ATP10B: variants seen among roughly 807,000 people sequenced by gnomAD.
ATP10B encodes ATPase phospholipid transporting 10B (putative).
Under a neutral mutation model 141.2 loss-of-function variants are expected in ATP10B, and 122 were observed. That is an observed-to-expected ratio of 0.86 (90% CI 0.75 to 1.00). The LOEUF (loss-of-function observed/expected upper bound fraction) is 1.00, where lower values mean the gene tolerates loss of function less well. Among genes scored for constraint, ATP10B ranks in the 50% least tolerant of loss-of-function variants. The pLI, the probability that ATP10B is intolerant of heterozygous loss-of-function variation, is 0.00. For synonymous variants in ATP10B, 685 were observed against 692.0 expected (o/e 0.99, Z 0.16); for missense variants, 1,876 against 1,825.3 (o/e 1.03, Z -0.51).
chr5:160,657,332 G>A (rs1487475997), intron 7 of ATP10B, among the ~76,000 whole-genome samples: 1 of 152,144 alleles, frequency 6.6e-6, no homozygotes, highest in Non-Finnish European at 1.5e-5. Flanking sequence ...ACAGTTACCA[G>A]CATTTGATAA....
chr5:160,877,297 CAATA>C, the ATP10B span, among the ~76,000 whole-genome samples: 2 of 145,094 alleles, frequency 1.4e-5, no homozygotes, highest in Non-Finnish European at 3.0e-5. Context: ...ATGATTATCT[CAATA>C]GATGCAGAAA....
At chr5:160,592,594 G>A (rs943553714) in intron 22 of ATP10B, among the ~76,000 whole-genome samples, 2 of 152,244 alleles carry the variant, frequency 1.3e-5, no homozygotes, top group African/African-American at 4.8e-5. Context: ...CCATGCACGA[G>A]CCAAAGCAGG....
intron 22 of ATP10B, among the ~76,000 whole-genome samples, chr5:160,593,564 C>T (rs1459911298): frequency 2.0e-5 from 3 of 152,230 alleles, no homozygotes; most frequent in Non-Finnish European, 4.4e-5. Flanking sequence ...CAAAGCTGGA[C>T]AGAGAATGAC....
At chr5:160,646,753 C>T (rs1009076166) in intron 8 of ATP10B, among the ~76,000 whole-genome samples, 2 of 152,102 alleles carry the variant, frequency 1.3e-5, no homozygotes, top group Admixed American at 6.5e-5. Context: ...CTACTTCTCT[C>T]GGTTGTAATG....
chr5:160,862,191 G>T, the ATP10B span, among the ~76,000 whole-genome samples: 2 of 152,092 alleles, frequency 1.3e-5, no homozygotes, highest in African/African-American at 2.4e-5. Context: ...TCTAGATGTT[G>T]CCATGAAGGC....
intron 3 of ATP10B, among the ~76,000 whole-genome samples, chr5:160,716,062 A>G (rs1765635750): frequency 6.6e-6 from 1 of 152,134 alleles, no homozygotes; most frequent in African/African-American, 2.4e-5. Flanking sequence ...TAGACCCAGC[A>G]TTTTCACATC....
In ATP10B at chr5:160,566,779, G is replaced by A. The variant is rs543604582; in HGVS notation, c.3939-879C>T. Among the ~76,000 whole-genome samples, 12 of 152,326 alleles carry A rather than the reference G, an allele frequency of 7.9e-5. No homozygotes were observed. In the South Asian group the frequency reaches 1.2e-3, roughly 16 times the overall value. On this transcript the variant is annotated intron_variant, in intron 25 of 25. Coordinates refer to ENST00000327245, the MANE Select transcript of ATP10B (RefSeq NM_025153.3). ...ACTCACATCCACTTTCCAGATGTCT[G>A]TTGCCTTATCTGAAAAGTAAAAAAG...
At chr5:160,630,858 C>T (rs894156451) in intron 13 of ATP10B, among the ~76,000 whole-genome samples, 1 of 152,148 alleles carries the variant, frequency 6.6e-6, no homozygotes, top group Admixed American at 6.5e-5. Flanking sequence ...TTTGTCCTCA[C>T]CCAAAGTTAG....
At chr5:160,755,447 T>C (rs1436245813) in intron 2 of ATP10B, among the ~76,000 whole-genome samples, 1 of 152,122 alleles carries the variant, frequency 6.6e-6, no homozygotes, top group African/African-American at 2.4e-5. Context: ...GTATAGCCTA[T>C]TACACACCTA....
the ATP10B span, among the ~76,000 whole-genome samples, chr5:160,873,012 A>T: frequency 6.6e-6 from 1 of 151,648 alleles, no homozygotes; most frequent in Non-Finnish European, 1.5e-5. Flanking sequence ...TGAGCACGAG[A>T]TGTGTTTCCA....
chr5:160,908,851 C>G, the ATP10B span, among the ~76,000 whole-genome samples: 1 of 152,228 alleles, frequency 6.6e-6, no homozygotes, highest in African/African-American at 2.4e-5. Context: ...ACCATCAACA[C>G]TCCTTCTGTC....
chr5:160,645,116 TAAA>T (rs55774256), intron 8 of ATP10B, among the ~76,000 whole-genome samples: 11 of 134,402 alleles, frequency 8.2e-5, no homozygotes, highest in Admixed American at 1.5e-4. Flanking sequence ...GACTCCATCT[TAAA>T]AAAAAAAAAA....
At chr5:160,627,724 A>G (rs963533165) in intron 13 of ATP10B, among the ~76,000 whole-genome samples, 32 of 152,206 alleles carry the variant, frequency 2.1e-4, no homozygotes, top group African/African-American at 7.5e-4. Context: ...TTGAATGTCT[A>G]CCTGTCTGTC....
At chr5:160,885,086 C>T in the ATP10B span, among the ~76,000 whole-genome samples, 1 of 152,162 alleles carries the variant, frequency 6.6e-6, no homozygotes, top group Non-Finnish European at 1.5e-5. Context: ...TATGTTTGAT[C>T]CCACAAGCCA....
the ATP10B span, among the ~76,000 whole-genome samples, chr5:160,922,767 T>A: frequency 1.3e-5 from 2 of 152,214 alleles, no homozygotes; most frequent in African/African-American, 4.8e-5. Context: ...GAAGCTGCTC[T>A]GGGTGCTGGG....
intron 2 of ATP10B, among the ~76,000 whole-genome samples, chr5:160,745,263 T>G (rs1412108450): frequency 2.6e-5 from 4 of 152,222 alleles, no homozygotes; most frequent in Admixed American, 1.3e-4. Context: ...TAAAAATAAA[T>G]ATGAAAAACC....
the ATP10B span, among the ~76,000 whole-genome samples, chr5:160,897,897 A>T: frequency 6.6e-6 from 1 of 152,240 alleles, no homozygotes; most frequent in African/African-American, 2.4e-5. Flanking sequence ...CATATCTACA[A>T]CTATCTGATC....
chr5:160,804,649 T>A (rs997911579), intron 1 of ATP10B, among the ~76,000 whole-genome samples: 2 of 152,220 alleles, frequency 1.3e-5, no homozygotes, highest in East Asian at 1.9e-4. Context: ...AAATTTGCAA[T>A]CATCTTGCAG....
intron 22 of ATP10B, among the ~76,000 whole-genome samples, chr5:160,592,721 C>T (rs1020580756): frequency 3.3e-5 from 5 of 152,240 alleles, no homozygotes; most frequent in Admixed American, 6.5e-5. Context: ...TAATACTGTG[C>T]TTTTCCAACA....
Sources: allele counts gnomAD v4.1 joint callset (sites outside exome capture counted in the v4.1 genomes callset), GRCh38; gene constraint gnomAD v4.1.1; transcripts MANE v1.5; gene names NCBI Gene and HGNC (gene_info 2026-07-23, HGNC 2026-07-21).